The following PXDNL variants were observed in gnomAD, a reference collection of about 807,000 sequenced individuals.
The protein encoded by PXDNL is probable oxidoreductase PXDNL.
In PXDNL, 145 loss-of-function variants were observed where a neutral mutation model predicts 150.8. That is an observed-to-expected ratio of 0.96 (90% CI 0.84 to 1.10). The LOEUF is 1.10. Among genes scored for constraint, PXDNL ranks in the 50% least tolerant of loss-of-function variants. The probability of loss-of-function intolerance (pLI) is 0.00; values close to 1 mark genes in which losing one functional copy is unlikely to be tolerated. For missense variants in PXDNL, 2,087 were observed against 1,873.9 expected, an observed-to-expected ratio of 1.11 and a Z score of -2.10; for synonymous variants, 757 against 725.7, an observed-to-expected ratio of 1.04 and a Z score of -0.69.
At chr8:51,609,305 T>G (rs184636608) in intron 2 of PXDNL, among the ~76,000 whole-genome samples, 1 of 151,996 alleles carries the variant, frequency 6.6e-6, no homozygotes, top group Non-Finnish European at 1.5e-5. Context: ...CTAGAAAAAA[T>G]TCAAGTGGTA....
chr8:51,476,468 G>A (rs1033255379), intron 6 of PXDNL, among the ~76,000 whole-genome samples: 1 of 152,162 alleles, frequency 6.6e-6, no homozygotes, highest in Non-Finnish European at 1.5e-5. Flanking sequence ...TAACAGGAAG[G>A]CGATGGCTCT....
chr8:51,617,716 A>G (rs1433173809), intron 2 of PXDNL, among the ~76,000 whole-genome samples: 1 of 152,264 alleles, frequency 6.6e-6, no homozygotes, highest in East Asian at 1.9e-4. Flanking sequence ...TGTAGCAAGT[A>G]TGCATTAATT....
chr8:51,704,777 C>A (rs758611595), intron 1 of PXDNL, among the ~76,000 whole-genome samples: 2 of 152,274 alleles, frequency 1.3e-5, no homozygotes, highest in Non-Finnish European at 2.9e-5. Flanking sequence ...TGAATGTGAT[C>A]ACTTACATAA....
chr8:51,708,038 A>T (rs965052132), intron 1 of PXDNL, among the ~76,000 whole-genome samples: 2 of 152,226 alleles, frequency 1.3e-5, no homozygotes, highest in Non-Finnish European at 2.9e-5. Flanking sequence ...CATCTAAATT[A>T]AAATCTTCTT....
At chr8:51,729,879 GA>G (rs1459736302) in intron 1 of PXDNL, among the ~76,000 whole-genome samples, 7 of 152,170 alleles carry the variant, frequency 4.6e-5, no homozygotes, top group African/African-American at 1.7e-4. Flanking sequence ...AAGCCAATCT[GA>G]AAAGGCTATG....
At chr8:51,419,677 A>C (rs1808894879) in intron 14 of PXDNL, among the ~76,000 whole-genome samples, 1 of 152,216 alleles carries the variant, frequency 6.6e-6, no homozygotes, top group Admixed American at 6.5e-5. Flanking sequence ...CACAGCACTT[A>C]CCAGCACTTT....
intron 4 of PXDNL, among the ~76,000 whole-genome samples, chr8:51,552,005 A>C (rs1027516301): frequency 5.3e-5 from 8 of 152,216 alleles, no homozygotes; most frequent in African/African-American, 1.9e-4. Context: ...CCCATCAAAA[A>C]GTGTGCTAAG....
chr8:51,687,126 A>C (rs1198414166), intron 1 of PXDNL, among the ~76,000 whole-genome samples: 1 of 152,212 alleles, frequency 6.6e-6, no homozygotes, highest in Non-Finnish European at 1.5e-5. Context: ...AATATTAAAG[A>C]GTCTTAGGAA....
chr8:51,681,765 T>C (rs1388380675), intron 1 of PXDNL, among the ~76,000 whole-genome samples: 1 of 152,216 alleles, frequency 6.6e-6, no homozygotes, highest in Non-Finnish European at 1.5e-5. Context: ...AGCATTTTTT[T>C]CCACATATGT....
chr8:51,404,240 G>T (rs180892952), intron 17 of PXDNL, among the ~76,000 whole-genome samples: 6 of 152,226 alleles, frequency 3.9e-5, no homozygotes, highest in Non-Finnish European at 7.3e-5. Context: ...GAAAGAGACC[G>T]GAGTGGATTG....
chr8:51,562,066 A>G (rs1338393919), intron 3 of PXDNL, among the ~76,000 whole-genome samples: 2 of 151,688 alleles, frequency 1.3e-5, no homozygotes, highest in Non-Finnish European at 2.9e-5. Flanking sequence ...AGATGATTAT[A>G]TATTGATATA....
At chr8:51,368,664 C>T (rs911287532) in intron 19 of PXDNL, among the ~76,000 whole-genome samples, 2 of 152,078 alleles carry the variant, frequency 1.3e-5, no homozygotes, top group African/African-American at 2.4e-5. Flanking sequence ...ACATCCCAAA[C>T]GGAGGTCTCT....
At chr8:51,511,442 T>A (rs1461152274) in intron 4 of PXDNL, among the ~76,000 whole-genome samples, 2 of 152,172 alleles carry the variant, frequency 1.3e-5, no homozygotes, top group Non-Finnish European at 2.9e-5. Flanking sequence ...GAGAAGTGAC[T>A]CCCAGTGCAG....
Position 51,343,348 on chromosome 8 carries a change from A to G in PXDNL, c.4016+2485T>C, listed in dbSNP as rs531131377. 2.0e-4 allele frequency among the ~76,000 whole-genome samples: 30 copies of G among 152,322 alleles called. No individual in the cohort carries two copies. In the East Asian group the frequency reaches 5.0e-3, roughly 25 times the overall value. Reference sequence around the variant, plus strand: ...GGTACATTTAAGCACAACAGAAACAATCTATAAAGGATTACTAAAGCGTGT... The same window carrying G: ...GGTACATTTAAGCACAACAGAAACAGTCTATAAAGGATTACTAAAGCGTGT... On this transcript the variant is annotated intron_variant, in intron 20 of 22. Coordinates refer to ENST00000356297, the MANE Select transcript of PXDNL (RefSeq NM_144651.5).
chr8:51,343,017 A>C (rs1002238697), intron 20 of PXDNL, among the ~76,000 whole-genome samples: 1 of 152,176 alleles, frequency 6.6e-6, no homozygotes, highest in Non-Finnish European at 1.5e-5. Context: ...AGAGGCAACG[A>C]GCCCAGGTAG....
chr8:51,472,067 T>C, intron 8 of PXDNL, 120 bp downstream of exon 8: 1 of 617,638 alleles, frequency 1.6e-6, no homozygotes, highest in Admixed American at 2.9e-5. Context: ...AGGCATTTTA[T>C]CTTTAAGAAA....
At chr8:51,526,383 C>T (rs1367348487) in intron 4 of PXDNL, among the ~76,000 whole-genome samples, 2 of 151,442 alleles carry the variant, frequency 1.3e-5, no homozygotes, top group African/African-American at 2.4e-5. Flanking sequence ...AGACAGCCTA[C>T]GAGGTCAGTG....
At position 51,727,513 on chromosome 8, in the gene PXDNL, A is replaced by C. The variant is rs546511867; in HGVS notation, c.165-72753T>G. Among the ~76,000 whole-genome samples, 9 of 152,328 alleles carry C rather than the reference A, an allele frequency of 5.9e-5. No individual in the cohort carries two copies. In the South Asian group the frequency reaches 1.7e-3, roughly 28 times the overall value. On this transcript the variant is annotated intron_variant, in intron 1 of 22. Transcript: ENST00000356297. ...GATCACTTAGAAGAATACAAAACCC[A>C]AAAATTTACTTTGAGAATATAGAGT...
chr8:51,686,754 G>C (rs2130856231), intron 1 of PXDNL, among the ~76,000 whole-genome samples: 1 of 152,098 alleles, frequency 6.6e-6, no homozygotes, highest in African/African-American at 2.4e-5. Flanking sequence ...AATATTTTGT[G>C]GGCATAAAAA....
Sources: allele counts gnomAD v4.1 joint callset (sites outside exome capture counted in the v4.1 genomes callset), GRCh38; gene constraint gnomAD v4.1.1; transcripts MANE v1.5; gene names NCBI Gene and HGNC (gene_info 2026-07-23, HGNC 2026-07-21).